Variants in PKIB observed in about 807,000 individuals in gnomAD.
The protein encoded by PKIB is PKI-beta.
A neutral mutation model predicts 4.5 loss-of-function variants in PKIB; 2 were observed. That is an observed-to-expected ratio of 0.44 (90% CI 0.18 to 1.39). PKIB has a LOEUF of 1.39. PKIB is among the 40% of genes most tolerant of loss of function. PKIB has a pLI of 0.27. For missense variants in PKIB, 94 were observed against 92.6 expected (o/e 1.02, Z -0.06); for synonymous variants, 38 against 36.0 (o/e 1.06, Z -0.20).
At chr6:122,667,296 C>T (rs933948119) in intron 2 of PKIB, among the ~76,000 whole-genome samples, 5 of 152,152 alleles carry the variant, frequency 3.3e-5, no homozygotes, top group African/African-American at 4.8e-5. Context: ...CCGTGGCTCA[C>T]GCCTGTAATC....
chr6:122,561,994 G>GTTTTTTTTTTT lies in PKIB; in HGVS notation c.-247-23918_-247-23917insTTTTTTTTTTT. Among the ~76,000 whole-genome samples, 174 of 40,868 alleles carry GTTTTTTTTTTT rather than the reference G, an allele frequency of 4.3e-3. 18 individuals carry two copies. Among genetic ancestry groups the GTTTTTTTTTTT allele is most frequent in the East Asian group, 0.011 (12 of 1,140 alleles). The allele number at this position is 40,868 out of a possible 152,430, so 26.8% of individuals were successfully genotyped here. On this transcript the variant is annotated intron_variant, in intron 2 of 6. Coordinates refer to the PKIB transcript ENST00000392491. ...GCATAGTTTTTTTTTGTTTGTTTTT[G>GTTTTTTTTTTT]TTTTTTTTTGTTTTTTTTTTTTTTT...
intron 2 of PKIB, among the ~76,000 whole-genome samples, chr6:122,563,582 C>A (rs1358642938): frequency 2.6e-5 from 4 of 151,896 alleles, no homozygotes; most frequent in Non-Finnish European, 4.4e-5. Context: ...GAACATCAGG[C>A]GGGGGCAGGA....
At chr6:122,553,497 T>TTTTTTTTTTTTTTTTTTTTC in intron 2 of PKIB, among the ~76,000 whole-genome samples, 1 of 141,668 alleles carries the variant, frequency 7.1e-6, no homozygotes, top group Non-Finnish European at 1.5e-5. Context: ...TTTTTTTTTT[T>TTTTTTTTTTTTTTTTTTTTC]TTTTTTCTGA....
chr6:122,606,528 C>T (rs938541321), upstream of PKIB, among the ~76,000 whole-genome samples: 12 of 148,708 alleles, frequency 8.1e-5, no homozygotes, highest in East Asian at 4.0e-4. Flanking sequence ...GCAGAGATCG[C>T]GCCATTGCAC....
chr6:122,609,085 A>G (rs1296311125), upstream of PKIB, among the ~76,000 whole-genome samples: 4 of 152,210 alleles, frequency 2.6e-5, no homozygotes, highest in Admixed American at 2.6e-4. Flanking sequence ...GTGTAACCAC[A>G]CAAGTAACTA....
At chr6:122,630,598 T>C (rs1288593950) in intron 1 of PKIB, among the ~76,000 whole-genome samples, 1 of 152,120 alleles carries the variant, frequency 6.6e-6, no homozygotes, top group Non-Finnish European at 1.5e-5. Context: ...GTTGTGGAGA[T>C]TGGTTGTATA....
At chr6:122,642,832 A>G (rs1245828020) in intron 2 of PKIB, among the ~76,000 whole-genome samples, 1 of 152,208 alleles carries the variant, frequency 6.6e-6, no homozygotes, top group African/African-American at 2.4e-5. Context: ...TCCTTTACCT[A>G]GGCTTGGTCT....
At position 122,542,029 on chromosome 6, in the gene PKIB, T is replaced by G. The variant is rs1186047430; in HGVS notation, c.-247-43892T>G. Among the ~76,000 whole-genome samples the G allele has an allele frequency of 2.0e-5, 3 of 152,098 alleles. No individual in the cohort carries two copies. The East Asian group carries it at 5.8e-4, about 29-fold the overall frequency. On this transcript the variant is annotated intron_variant, in intron 2 of 6. Transcript: ENST00000392491. The stretch of plus-strand genomic sequence containing the variant: ...TAATTCTCGAGCCTTGGCTTTCAGC[T>G]CCATCAGCTCCTTTAAGGACTTCTC...
intron 2 of PKIB, among the ~76,000 whole-genome samples, chr6:122,497,309 T>G (rs1170772760): frequency 1.3e-5 from 2 of 152,134 alleles, no homozygotes; most frequent in Non-Finnish European, 2.9e-5. Flanking sequence ...ATACAACAAC[T>G]ACACAATAGC....
chr6:122,473,927 G>A (rs956505716), intron 1 of PKIB, among the ~76,000 whole-genome samples: 2 of 152,224 alleles, frequency 1.3e-5, no homozygotes, highest in African/African-American at 4.8e-5. Context: ...GAGGTCAGGA[G>A]TTCCAGACCA....
rs570020469 is a variant in PKIB at position 122,489,794 on chromosome 6, G to A, written c.-248+11855G>A. On this transcript the variant is annotated intron_variant, in intron 2 of 6. Transcript: ENST00000392491. The stretch of plus-strand genomic sequence containing the variant: ...CAGGCCTTCTTAAGAAGAAAGACAT[G>A]ACAACTCAATCCATTCAGTCTTTGT... 1.4e-4 allele frequency among the ~76,000 whole-genome samples: 21 copies of A among 152,282 alleles called. 1 individual carries two copies. The South Asian group carries it at 3.9e-3, about 29-fold the overall frequency.
chr6:122,569,434 G>A (rs1315348802), intron 2 of PKIB, among the ~76,000 whole-genome samples: 1 of 152,202 alleles, frequency 6.6e-6, no homozygotes, highest in Admixed American at 6.5e-5. Context: ...GACCTCAGCT[G>A]TACTCATCAC....
intron 2 of PKIB, among the ~76,000 whole-genome samples, chr6:122,542,028 C>T (rs1046552259): frequency 6.6e-6 from 1 of 152,076 alleles, no homozygotes; most frequent in African/African-American, 2.4e-5. Context: ...TGGCTTTCAG[C>T]TCCATCAGCT....
chr6:122,643,505 C>T (rs1231093808), intron 2 of PKIB: 1 of 151,760 alleles, frequency 6.6e-6, no homozygotes, highest in Non-Finnish European at 1.5e-5. Context: ...TTAAGTGATA[C>T]GTTACAAGTA....
chr6:122,531,225 A>T (rs1171277883), intron 2 of PKIB: 1 of 152,184 alleles, frequency 6.6e-6, no homozygotes, highest in Non-Finnish European at 1.5e-5. Context: ...AATTCTCTGT[A>T]AATACAAAAT....
At chr6:122,574,380 A>G (rs181005501) in intron 2 of PKIB, among the ~76,000 whole-genome samples, 12 of 152,288 alleles carry the variant, frequency 7.9e-5, no homozygotes, top group East Asian at 5.8e-4. Context: ...CAAAATATCC[A>G]TCATCGTTCC....
intron 2 of PKIB, among the ~76,000 whole-genome samples, chr6:122,507,742 T>G (rs567267070): frequency 2.0e-5 from 3 of 150,820 alleles, no homozygotes; most frequent in Non-Finnish European, 4.4e-5. Flanking sequence ...CTGGAAGTTG[T>G]TTTTTTTCTG....
chr6:122,668,324 G>A (rs1167107041), intron 2 of PKIB, among the ~76,000 whole-genome samples: 2 of 152,140 alleles, frequency 1.3e-5, no homozygotes, highest in African/African-American at 4.8e-5. Context: ...AAAGACCGTG[G>A]ATAATGCAGT....
At chr6:122,597,878 C>T (rs1011485826) in intron 3 of PKIB, among the ~76,000 whole-genome samples, 1 of 152,126 alleles carries the variant, frequency 6.6e-6, no homozygotes, top group African/African-American at 2.4e-5. Flanking sequence ...TGAGCTAAAA[C>T]TCCATTAATT....
Sources: gnomAD v4.1 joint callset for allele counts (sites outside exome capture counted in the v4.1 genomes callset) on GRCh38, gnomAD v4.1.1 for gene constraint, MANE v1.5 for transcripts, NCBI Gene and HGNC (gene_info 2026-07-23, HGNC 2026-07-21) for gene names.